NF1: variants seen among roughly 807,000 people sequenced by gnomAD.
The protein encoded by NF1 is neurofibromin 1.
In NF1, 122 loss-of-function variants were observed where a neutral mutation model predicts 325.7. That is an observed-to-expected ratio of 0.37 (90% CI 0.32 to 0.44). The LOEUF (loss-of-function observed/expected upper bound fraction) is 0.44, where lower values mean the gene tolerates loss of function less well. Ranked by LOEUF, NF1 falls within the 20% of genes least tolerant of loss-of-function variation. The pLI is 1.00. For missense variants in NF1, 2,140 were observed against 3,415.4 expected, an observed-to-expected ratio of 0.63 and a Z score of 9.31; for synonymous variants, 1,091 against 1,186.0, an observed-to-expected ratio of 0.92 and a Z score of 1.65.
intron 57 of NF1, among the ~76,000 whole-genome samples, chr17:31,362,572 G>A (rs975909939): frequency 8.6e-5 from 13 of 151,798 alleles, no homozygotes; most frequent in Non-Finnish European, 2.9e-5. Context: ...TTTGTTTATT[G>A]CTAATTCATT....
intron 36 of NF1, chr17:31,296,378 A>G: frequency 6.2e-7 from 1 of 1,609,718 alleles, no homozygotes; most frequent in South Asian, 1.1e-5. Context: ...ATATGCAAAT[A>G]CAGTTTAGGC....
chr17:31,327,500 T>G lies in NF1; in HGVS notation c.5270T>G (p.Val1757Gly), dbSNP rs1021835871. The change falls in exon 38 of 58, where the codon GTT (valine) becomes GGT (glycine). Residue 1757 changes from valine (V) to glycine (G), a missense_variant and splice_region_variant. Physicochemically the swap from Val to Gly is moderately radical, Grantham distance 109. Transcript: ENST00000358273. ...CACCCCGTCACCACCACTTTCCAGG[T>G]TGGTTCTACTGCTGTCCAAGTAACT... ...AHKDTKVSIKVGSTAVQVTSA... is the reference protein window; with the variant it reads ...AHKDTKVSIKGGSTAVQVTSA... 1 of 1,612,544 alleles carries G rather than the reference T, an allele frequency of 6.2e-7. No homozygotes were observed. The highest frequency in any genetic ancestry group is 8.5e-7 in the Non-Finnish European group (1 of 1,179,484).
At chr17:31,342,607 A>G (rs567414346) in intron 47 of NF1, among the ~76,000 whole-genome samples, 11 of 152,278 alleles carry the variant, frequency 7.2e-5, no homozygotes, top group Admixed American at 3.3e-4. Context: ...ATATTTGCAA[A>G]TGGAGCATTG....
intron 38 of NF1, among the ~76,000 whole-genome samples, chr17:31,329,629 T>A (rs2069431728): frequency 6.6e-6 from 1 of 152,214 alleles, no homozygotes; most frequent in Admixed American, 6.5e-5. Context: ...TTGTAAGTGA[T>A]GTTTGGTCTC....
chr17:31,271,916 C>T (rs1279886043), intron 36 of NF1: 1 of 152,002 alleles, frequency 6.6e-6, no homozygotes, highest in African/African-American at 2.4e-5. Context: ...CACACACACA[C>T]ACACACCCCA....
intron 11 of NF1, among the ~76,000 whole-genome samples, 157 bp from the exon 12 acceptor site, chr17:31,206,083 G>C (rs1010744006): frequency 2.0e-5 from 3 of 152,102 alleles, no homozygotes; most frequent in African/African-American, 7.2e-5. Context: ...TTGAATTAAA[G>C]ACGTTGTTTG....
chr17:31,295,651 C>G, intron 36 of NF1: 1 of 1,614,140 alleles, frequency 6.2e-7, no homozygotes, highest in Non-Finnish European at 8.5e-7. Flanking sequence ...GGTCACATGA[C>G]CACCTGTTAT....
Position 31,229,820 on chromosome 17 carries a change from T to C in NF1, c.2851-15T>C. 1 of 1,611,626 alleles carries C rather than the reference T, an allele frequency of 6.2e-7. No individual in the cohort carries two copies. The highest frequency in any genetic ancestry group is 8.5e-7 in the Non-Finnish European group (1 of 1,179,550). ...CATTGATGGCAAATCATTAATGTAT[T>C]TGTTCTTTCTTTAGGTTTTATTGAC... On this transcript the variant is annotated splice_polypyrimidine_tract_variant and intron_variant, in intron 21 of 57. Transcript: ENST00000358273.
At chr17:31,177,965 C>T (rs1400736766) in intron 5 of NF1, among the ~76,000 whole-genome samples, 1 of 152,168 alleles carries the variant, frequency 6.6e-6, no homozygotes, top group East Asian at 1.9e-4. Context: ...AGCAGGAGAA[C>T]TTCCCCAACC....
intron 23 of NF1, 112 bp from the exon 24 acceptor site, chr17:31,230,730 C>T (rs1211781162): frequency 2.2e-5 from 19 of 858,220 alleles, no homozygotes; most frequent in Admixed American, 1.4e-4. Context: ...CGTCATGTCA[C>T]TTAGGTTATC....
intron 57 of NF1, among the ~76,000 whole-genome samples, chr17:31,372,614 C>T (rs1319735828): frequency 6.6e-6 from 1 of 152,140 alleles, no homozygotes; most frequent in Non-Finnish European, 1.5e-5. Context: ...CAAGGGTGAC[C>T]ACAGTCCTGT....
Position 31,267,356 on chromosome 17 carries a change from T to C in NF1, c.4835+2017T>C, listed in dbSNP as rs545752419. 6.4e-4 allele frequency among the ~76,000 whole-genome samples: 98 copies of C among 152,382 alleles called. 1 individual carries two copies. The highest frequency in any genetic ancestry group is 2.2e-3 in the African/African-American group (93 of 41,600). On this transcript the variant is annotated intron_variant, in intron 36 of 57. Transcript: ENST00000358273. Reference sequence around the variant, plus strand: ...AAGTGTTTTGTGACCTATAAAGTTGTGTAAGGAGTAAATTTGAGATTTTCT... The same window carrying C: ...AAGTGTTTTGTGACCTATAAAGTTGCGTAAGGAGTAAATTTGAGATTTTCT...
At chr17:31,231,832 C>T (rs1342034628) in intron 24 of NF1, among the ~76,000 whole-genome samples, 2 of 151,870 alleles carry the variant, frequency 1.3e-5, no homozygotes, top group East Asian at 3.9e-4. Context: ...TTTAAGGTAG[C>T]CATTTTGCCA....
intron 1 of NF1, among the ~76,000 whole-genome samples, chr17:31,118,266 G>A (rs1306106578): frequency 6.6e-6 from 1 of 151,514 alleles, no homozygotes; most frequent in Non-Finnish European, 1.5e-5. Flanking sequence ...GGATCTTTAG[G>A]GAGCTCAACT....
At chr17:31,128,116 ATT>A (rs546185681) in intron 1 of NF1, among the ~76,000 whole-genome samples, 56 of 111,926 alleles carry the variant, frequency 5.0e-4, no homozygotes, top group Admixed American at 6.1e-4. Context: ...TGATTTTTGT[ATT>A]TTTTTTTTTT....
rs1212022548 is a variant in NF1, at chr17:31,338,771, T to C, written c.6887T>C (p.Ile2296Thr). Residue 2296 changes from isoleucine (I) to threonine (T), a missense_variant, in exon 46 of 58, where the codon ATA becomes ACA. By Grantham distance (89) the Ile-to-Thr change is moderately conservative. This residue lies in a region of NF1 where 522 missense variants were observed against 749.0 expected (regional missense o/e 0.70). Transcript: ENST00000358273. The part of the protein sequence containing the change: ...NSQVLIEATV[I>T]ALTKLQPLLN... ...CAAGTTCTGATAGAAGCTACAGTAA[T>C]AGCACTAACCAAATTACAGCCACTT... 6.2e-7 allele frequency: 1 copy of C among 1,613,168 alleles called. No individual in the cohort carries two copies. Among genetic ancestry groups the C allele is most frequent in the Non-Finnish European group, 8.5e-7 (1 of 1,179,328 alleles).
intron 1 of NF1, among the ~76,000 whole-genome samples, chr17:31,127,106 A>G (rs1914947846): frequency 6.7e-6 from 1 of 149,530 alleles, no homozygotes; most frequent in Non-Finnish European, 1.5e-5. Flanking sequence ...GTGTCAGTAT[A>G]TGCACAGGCT....
chr17:31,203,860 T>G (rs967917474), intron 11 of NF1, among the ~76,000 whole-genome samples: 1 of 152,092 alleles, frequency 6.6e-6, no homozygotes, highest in Admixed American at 6.5e-5. Context: ...AGTAAGGTGT[T>G]TGGAGTTCTA....
rs2067102998 is a variant in NF1, at chr17:31,230,924, A to G, written c.3196A>G (p.Arg1066Gly). The change falls in exon 24 of 58, where the codon AGA becomes GGA. Residue 1066 changes from arginine (R) to glycine (G), a missense_variant and splice_region_variant. Coordinates refer to ENST00000358273, the MANE Select transcript of NF1 (RefSeq NM_001042492.3). ...AGATGATGATGTAAAATGTCTTACAAGGTAAAAAAAGAATGACCTTCAAGT... is the reference window on the plus strand; with the variant it reads ...AGATGATGATGTAAAATGTCTTACAGGGTAAAAAAAGAATGACCTTCAAGT... Reference protein sequence around the residue: ...AADDDVKCLTRDLDQASMEAV... With the variant: ...AADDDVKCLTGDLDQASMEAV... 1 of 1,608,034 alleles carries G rather than the reference A, an allele frequency of 6.2e-7. No homozygotes were observed. The highest frequency in any genetic ancestry group is 8.5e-7 in the Non-Finnish European group (1 of 1,176,714).
Sources: allele counts gnomAD v4.1 joint callset (sites outside exome capture counted in the v4.1 genomes callset), GRCh38; gene constraint gnomAD v4.1.1; regional missense constraint gnomAD v4.1.1; transcripts MANE v1.5; gene names NCBI Gene and HGNC (gene_info 2026-07-23, HGNC 2026-07-21).